PCDHA5: variants seen among roughly 807,000 people sequenced by gnomAD.
The protein encoded by PCDHA5 is protocadherin alpha 5.
PCDHA5 carries 43 observed loss-of-function variants against 61.6 expected under a neutral mutation model. That is an observed-to-expected ratio of 0.70 (90% CI 0.55 to 0.90). The LOEUF (loss-of-function observed/expected upper bound fraction) is 0.90. Among genes scored for constraint, PCDHA5 ranks in the 40% least tolerant of loss-of-function variants. PCDHA5 has a pLI of 0.00. For missense variants in PCDHA5, 1,298 were observed against 1,222.7 expected, an observed-to-expected ratio of 1.06 and a Z score of -0.92; for synonymous variants, 627 against 543.9, an observed-to-expected ratio of 1.15 and a Z score of -2.13.
At position 141,010,950 on chromosome 5, in the gene PCDHA5, A is replaced by G. The variant is rs1278386004; in HGVS notation, c.*1013A>G. The G allele has an allele frequency of 6.5e-6, 1 of 153,760 alleles. No homozygotes were observed. Among genetic ancestry groups the G allele is most frequent in the Admixed American group, 6.5e-5 (1 of 15,284 alleles). 9.5% of individuals were successfully genotyped at this position (153,760 alleles called of 1,614,324 possible). A position where few individuals can be genotyped will look rare whatever the true frequency, so the allele number is the denominator to read the frequency against. ...TCAGTCTACAGCCATTTAAATGATC[A>G]TTGCTGCTACAGAAGTGCTTTAAGA... is the stretch of plus-strand genomic sequence containing the variant. On this transcript the variant is annotated 3_prime_UTR_variant, in exon 4 of 4. Coordinates refer to ENST00000529859, the MANE Select transcript of PCDHA5 (RefSeq NM_018908.3).
At chr5:140,943,509 A>G (rs1053319828) in intron 1 of PCDHA5, among the ~76,000 whole-genome samples, 1 of 152,132 alleles carries the variant, frequency 6.6e-6, no homozygotes, top group East Asian at 1.9e-4. Flanking sequence ...GGTTCATGGA[A>G]ATGTTGAGTT....
chr5:140,907,885 A>C (rs1554193167), intron 1 of PCDHA5, among the ~76,000 whole-genome samples: 1 of 152,210 alleles, frequency 6.6e-6, no homozygotes, highest in Admixed American at 6.5e-5. Flanking sequence ...CTCACATGGG[A>C]TACAAATATC....
intron 1 of PCDHA5, chr5:140,969,086 G>A: frequency 6.2e-7 from 1 of 1,614,190 alleles, no homozygotes; most frequent in Non-Finnish European, 8.5e-7. Context: ...TGGCCTCAAA[G>A]TGCAGCCTCA....
chr5:140,875,208 C>G (rs1297860404), intron 1 of PCDHA5: 2 of 668,428 alleles, frequency 3.0e-6, no homozygotes, highest in East Asian at 6.8e-5. Flanking sequence ...GTGGCTAAAC[C>G]GAAAAGAACC....
At chr5:140,835,989 AGCGCGCGCGATGCG>A (rs2150249668) in intron 1 of PCDHA5, 4 of 1,613,288 alleles carry the variant, frequency 2.5e-6, no homozygotes. Context: ...GTTCCAGGTG[AGCGCGCGCGATGCG>A]GGCGTGCCGC....
chr5:140,887,239 G>A (rs1248062448), intron 1 of PCDHA5, among the ~76,000 whole-genome samples: 2 of 151,736 alleles, frequency 1.3e-5, no homozygotes, highest in Admixed American at 6.6e-5. Context: ...TGAGACTACC[G>A]GCGCCCGCCA....
At chr5:140,867,679 G>A (rs1264964965) in intron 1 of PCDHA5, 1 of 151,996 alleles carries the variant, frequency 6.6e-6, no homozygotes, top group Non-Finnish European at 1.5e-5. Flanking sequence ...AAATTTTGTT[G>A]CATCTTCTTT....
In PCDHA5 at chr5:140,822,841, C is replaced by T; in HGVS notation, c.1066C>T (p.Leu356=). The change falls in exon 1 of 4, where the codon CTG becomes TTG. Residue 356 remains leucine, a synonymous_variant. Transcript: ENST00000529859. Reference sequence around the variant, plus strand: ...AGAGATGGCCATAACCACCCTTTTCCTGCCTGTCAAAGAGGACGCTCCACT... The same window carrying T: ...AGAGATGGCCATAACCACCCTTTTCTTGCCTGTCAAAGAGGACGCTCCACT... The part of the protein sequence containing the change: ...TPEMAITTLF[L]PVKEDAPLST... The T allele has an allele frequency of 1.9e-6, 3 of 1,614,204 alleles. No individual in the cohort carries two copies. Among genetic ancestry groups the T allele is most frequent in the Non-Finnish European group, 2.5e-6 (3 of 1,180,040 alleles).
chr5:140,917,323 G>C (rs1363512198), intron 1 of PCDHA5, among the ~76,000 whole-genome samples: 1 of 147,758 alleles, frequency 6.8e-6, no homozygotes, highest in African/African-American at 2.5e-5. Context: ...TGTTCATGTG[G>C]CGGGGGAGGG....
At position 140,853,244 on chromosome 5, in the gene PCDHA5, T is replaced by C. The variant is rs954151249; in HGVS notation, c.2352+29117T>C. ...TTGGTAATTTAGTCCTTCATATTAATCTCTATTCTCTCTCAGAGTACAAGC... is the reference window on the plus strand; with the variant it reads ...TTGGTAATTTAGTCCTTCATATTAACCTCTATTCTCTCTCAGAGTACAAGC... On this transcript the variant is annotated intron_variant, in intron 1 of 3. Transcript: ENST00000529859. 6.8e-5 allele frequency: 66 copies of C among 975,168 alleles called. 5 individuals carry two copies. Among genetic ancestry groups the C allele is most frequent in the Non-Finnish European group, 7.9e-5 (64 of 808,328 alleles). 60.4% of individuals were successfully genotyped at this position (975,168 alleles called of 1,614,324 possible).
chr5:140,841,949 T>C, intron 1 of PCDHA5: 1 of 1,613,920 alleles, frequency 6.2e-7, no homozygotes, highest in Non-Finnish European at 8.5e-7. Flanking sequence ...TGCGCACCAC[T>C]TATTCCTGAC....
intron 1 of PCDHA5, among the ~76,000 whole-genome samples, chr5:140,924,916 T>A (rs551375956): frequency 7.0e-4 from 85 of 122,004 alleles, no homozygotes; most frequent in East Asian, 2.6e-3. Context: ...TAAAATAAAA[T>A]AAAATAAAAT....
chr5:140,925,424 T>C (rs1554202738), intron 1 of PCDHA5, among the ~76,000 whole-genome samples: 1 of 152,038 alleles, frequency 6.6e-6, no homozygotes, highest in Non-Finnish European at 1.5e-5. Context: ...GAACTGGTTG[T>C]AGGGTGTTAG....
At chr5:141,007,422 G>A (rs190866782) in intron 3 of PCDHA5, among the ~76,000 whole-genome samples, 22 of 143,640 alleles carry the variant, frequency 1.5e-4, no homozygotes, top group African/African-American at 4.9e-4. Context: ...AAAAAAATTA[G>A]CCAGGCATGG....
intron 1 of PCDHA5, chr5:140,857,764 G>T (rs552891884): frequency 6.3e-7 from 1 of 1,597,520 alleles, no homozygotes; most frequent in Non-Finnish European, 8.6e-7. Flanking sequence ...CTGGCAGCGC[G>T]GGCGGTGCAG....
intron 1 of PCDHA5, among the ~76,000 whole-genome samples, chr5:140,826,351 C>T (rs1284883588): frequency 6.6e-6 from 1 of 151,972 alleles, no homozygotes; most frequent in Non-Finnish European, 1.5e-5. Flanking sequence ...CCTTTGTTTG[C>T]CCAAAATAAC....
rs57130401 is a variant in PCDHA5, at chr5:140,838,077, AGTGTGTGTGTGTGTGT to A, written c.2352+13989_2352+14004del. On this transcript the variant is annotated intron_variant, in intron 1 of 3. Transcript: ENST00000529859. Reference sequence around the variant, plus strand: ...TTTCCACTTTAAGTTATATATATATAGTGTGTGTGTGTGTGTGTGTGTGTGTGTGTGTGTGTGTGTG... The same window carrying A: ...TTTCCACTTTAAGTTATATATATATAGTGTGTGTGTGTGTGTGTGTGTGTG... 1.6e-3 allele frequency among the ~76,000 whole-genome samples: 130 copies of A among 80,702 alleles called. 1 individual carries two copies. The highest frequency in any genetic ancestry group is 1.6e-3 in the Non-Finnish European group (64 of 41,166). 52.9% of individuals were successfully genotyped at this position (80,702 alleles called of 152,430 possible). A position where few individuals can be genotyped will look rare whatever the true frequency, so the allele number is the denominator to read the frequency against.
chr5:140,892,793 A>G (rs1292583572), intron 1 of PCDHA5, among the ~76,000 whole-genome samples: 1 of 152,224 alleles, frequency 6.6e-6, no homozygotes, highest in Non-Finnish European at 1.5e-5. Context: ...TATGTAAGAA[A>G]TTATAGTTAA....
intron 1 of PCDHA5, among the ~76,000 whole-genome samples, chr5:140,959,091 G>A (rs1257984257): frequency 3.3e-5 from 5 of 152,048 alleles, no homozygotes; most frequent in African/African-American, 1.2e-4. Context: ...CTTGGTTTCG[G>A]ACATTCAGCA....
Sources: gnomAD v4.1 joint callset for allele counts (sites outside exome capture counted in the v4.1 genomes callset) on GRCh38, gnomAD v4.1.1 for gene constraint, MANE v1.5 for transcripts, NCBI Gene and HGNC (gene_info 2026-07-23, HGNC 2026-07-21) for gene names.